Variants in EMSY observed in about 807,000 individuals in gnomAD.
The protein encoded by EMSY is BRCA2-interacting transcriptional repressor EMSY.
EMSY carries 26 observed loss-of-function variants against 134.6 expected under a neutral mutation model. That is an observed-to-expected ratio of 0.19 (90% CI 0.14 to 0.27). The LOEUF is 0.27. Among genes scored for constraint, EMSY ranks in the 10% least tolerant of loss-of-function variants. The pLI is 1.00. For missense variants in EMSY, 1,305 were observed against 1,611.4 expected (o/e 0.81, Z 3.26); for synonymous variants, 579 against 577.8 (o/e 1.00, Z -0.03).
intron 7 of EMSY, among the ~76,000 whole-genome samples, chr11:76,469,529 A>G (rs1159659061): frequency 6.6e-6 from 1 of 152,236 alleles, no homozygotes; most frequent in African/African-American, 2.4e-5. Flanking sequence ...TTGATGTATA[A>G]TGCCTTTACT....
chr11:76,456,095 C>T (rs932591688), intron 4 of EMSY, among the ~76,000 whole-genome samples: 1 of 152,176 alleles, frequency 6.6e-6, no homozygotes, highest in African/African-American at 2.4e-5. Flanking sequence ...AATAGAGAGA[C>T]ACTTTTATAC....
intron 8 of EMSY, among the ~76,000 whole-genome samples, chr11:76,479,762 T>C (rs1255759464): frequency 6.6e-6 from 1 of 152,190 alleles, no homozygotes; most frequent in Non-Finnish European, 1.5e-5. Context: ...GGATAAGCTA[T>C]TGAAATTCTG....
At chr11:76,477,295 G>GT (rs889561472) in intron 8 of EMSY, among the ~76,000 whole-genome samples, 10 of 138,366 alleles carry the variant, frequency 7.2e-5, no homozygotes, top group South Asian at 2.3e-4. Context: ...TTTGTTTTTT[G>GT]TTTTTTTTGG....
At chr11:76,518,704 T>TA (rs1555068832) in intron 11 of EMSY, among the ~76,000 whole-genome samples, 14,273 of 76,762 alleles carry the variant, frequency 0.19, 831 homozygotes, top group Non-Finnish European at 0.21. Context: ...TATATATATA[T>TA]TTTTTTTTTA....
At chr11:76,549,613 G>GAA (rs1403592201) in intron 20 of EMSY, among the ~76,000 whole-genome samples, 2 of 152,192 alleles carry the variant, frequency 1.3e-5, no homozygotes, top group Admixed American at 6.6e-5. Context: ...TAAAGGAGTG[G>GAA]AAAGATTGCT....
intron 1 of EMSY, among the ~76,000 whole-genome samples, chr11:76,446,103 C>T (rs912414846): frequency 1.5e-4 from 23 of 152,168 alleles, no homozygotes; most frequent in African/African-American, 5.5e-4. Context: ...CAACCATTCA[C>T]TTACCCATTT....
At chr11:76,471,844 G>T (rs1948582207) in intron 7 of EMSY, among the ~76,000 whole-genome samples, 1 of 151,984 alleles carries the variant, frequency 6.6e-6, no homozygotes, top group South Asian at 2.1e-4. Context: ...CTAGATCTTT[G>T]AAGTTTCTTG....
intron 8 of EMSY, among the ~76,000 whole-genome samples, chr11:76,475,734 C>T (rs1179008805): frequency 2.6e-5 from 4 of 152,044 alleles, no homozygotes; most frequent in African/African-American, 9.7e-5. Context: ...ACACAGACTG[C>T]GTTTGTGATT....
chr11:76,478,167 TG>T (rs1357503607), intron 8 of EMSY, among the ~76,000 whole-genome samples: 3 of 152,190 alleles, frequency 2.0e-5, no homozygotes, highest in African/African-American at 7.2e-5. Flanking sequence ...CAGTTCAACA[TG>T]GTTCCCATTT....
At chr11:76,514,449 G>A (rs1157059304) in intron 10 of EMSY, among the ~76,000 whole-genome samples, 2 of 152,120 alleles carry the variant, frequency 1.3e-5, no homozygotes, top group Admixed American at 6.5e-5. Context: ...GGTCATTACA[G>A]ACATTGCACT....
At chr11:76,466,011 G>A (rs1176233633) in intron 7 of EMSY, among the ~76,000 whole-genome samples, 1 of 152,176 alleles carries the variant, frequency 6.6e-6, no homozygotes, top group Non-Finnish European at 1.5e-5. Context: ...GGTTGGCAGT[G>A]TTTTGTTTGG....
downstream of EMSY, chr11:76,551,975 A>G (rs1290130253): frequency 6.6e-6 from 1 of 152,184 alleles, no homozygotes; most frequent in East Asian, 1.9e-4. Context: ...TATGTTCTAC[A>G]TATTTTGGCA....
intron 9 of EMSY, among the ~76,000 whole-genome samples, chr11:76,509,712 A>G (rs1950207110): frequency 1.3e-5 from 2 of 152,202 alleles, no homozygotes; most frequent in African/African-American, 4.8e-5. Flanking sequence ...ACAAGTGTGT[A>G]AAGAGGGGAG....
chr11:76,501,211 G>C (rs1949845682), intron 9 of EMSY, among the ~76,000 whole-genome samples: 1 of 152,086 alleles, frequency 6.6e-6, no homozygotes, highest in Non-Finnish European at 1.5e-5. Flanking sequence ...TGAAGATGTA[G>C]AAGTTACAGA....
intron 2 of EMSY, among the ~76,000 whole-genome samples, chr11:76,447,627 A>G (rs1310175457): frequency 3.9e-5 from 6 of 152,216 alleles, no homozygotes; most frequent in Non-Finnish European, 8.8e-5. Context: ...CTCAACCAGC[A>G]TTGAGGGAAA....
chr11:76,544,305 G>A, exon 19 of EMSY: 1 of 1,614,136 alleles, frequency 6.2e-7, no homozygotes, highest in South Asian at 1.1e-5. Flanking sequence ...GAGGAACTTG[G>A]AACTGAGGAG....
intron 16 of EMSY, among the ~76,000 whole-genome samples, chr11:76,538,603 G>A (rs1274775565): frequency 6.6e-6 from 1 of 152,080 alleles, no homozygotes; most frequent in African/African-American, 2.4e-5. Context: ...TAGTTTTGTG[G>A]GAAGGTGGGT....
chr11:76,491,676 AG>A (rs1224509642), intron 8 of EMSY, among the ~76,000 whole-genome samples: 1 of 152,192 alleles, frequency 6.6e-6, no homozygotes, highest in Non-Finnish European at 1.5e-5. Flanking sequence ...TGCGCTAGGT[AG>A]CTCACACCGT....
intron 13 of EMSY, among the ~76,000 whole-genome samples, chr11:76,526,945 A>G (rs917842451): frequency 2.0e-5 from 3 of 152,190 alleles, no homozygotes; most frequent in African/African-American, 7.2e-5. Flanking sequence ...GATCATAGTC[A>G]TTCAGAATCA....
Sources: gnomAD v4.1 joint callset for allele counts (sites outside exome capture counted in the v4.1 genomes callset) on GRCh38, gnomAD v4.1.1 for gene constraint, MANE v1.5 for transcripts, NCBI Gene and HGNC (gene_info 2026-07-23, HGNC 2026-07-21) for gene names.